The following SNX1 variants were observed in gnomAD, a reference collection of about 807,000 sequenced individuals.
SNX1 encodes sorting nexin 1, also known as sorting nexin-1.
SNX1 carries 36 observed loss-of-function variants against 71.8 expected under a neutral mutation model. That is an observed-to-expected ratio of 0.50 (90% CI 0.38 to 0.66). The LOEUF (loss-of-function observed/expected upper bound fraction) is 0.66, where lower values mean the gene tolerates loss of function less well. Among genes scored for constraint, SNX1 ranks in the 30% least tolerant of loss-of-function variants. The probability of loss-of-function intolerance (pLI) is 0.00; values close to 1 mark genes in which losing one functional copy is unlikely to be tolerated. For missense variants in SNX1, 612 were observed against 646.7 expected (o/e 0.95, Z 0.58); for synonymous variants, 254 against 240.7 (o/e 1.06, Z -0.51).
chr15:64,112,316 C>T (rs2081085061), intron 1 of SNX1, among the ~76,000 whole-genome samples: 1 of 152,220 alleles, frequency 6.6e-6, no homozygotes, highest in Non-Finnish European at 1.5e-5. Context: ...TGTGTGTACA[C>T]ATACCCATGT....
chr15:64,114,342 T>C (rs1257386876), intron 2 of SNX1, among the ~76,000 whole-genome samples: 1 of 152,122 alleles, frequency 6.6e-6, no homozygotes, highest in Non-Finnish European at 1.5e-5. Flanking sequence ...TTTTAGTGAT[T>C]GAATATAATG....
rs977537377 is a variant in SNX1 at position 64,127,194 on chromosome 15, G to T, written c.673G>T (p.Gly225Trp). The T allele has an allele frequency of 2.2e-5, 36 of 1,613,454 alleles. No homozygotes were observed. Among genetic ancestry groups the T allele is most frequent in the Non-Finnish European group, 3.1e-5 (36 of 1,179,606 alleles). Residue 225 changes from glycine to tryptophan, a missense_variant, in exon 7 of 15, where the codon GGG (glycine) becomes TGG (tryptophan). By Grantham distance (184) the Gly-to-Trp change is radical (BLOSUM62 -2). This residue lies in a region of SNX1 where 316 missense variants were observed against 284.9 expected (regional missense o/e 1.11). Transcript: ENST00000559844. ...TCTAGGGATGACAAAAGTGAAAGTTGGGAAGGAAGATTCTTCTTCTGCAGA... is the reference window on the plus strand; with the variant it reads ...TCTAGGGATGACAAAAGTGAAAGTTTGGAAGGAAGATTCTTCTTCTGCAGA... ...SLIGMTKVKV[G>W]KEDSSSAEFL... is the part of the protein sequence containing the mutation.
At chr15:64,136,717 C>T (rs2081363606) in intron 13 of SNX1, 144 bp from the exon 14 acceptor site, 1 of 659,078 alleles carries the variant, frequency 1.5e-6, no homozygotes, top group Non-Finnish European at 2.7e-6. Context: ...CTTGGCAGAC[C>T]CTCTTTGGCT....
chr15:64,131,829 C>A lies in SNX1; in HGVS notation c.1158C>A (p.Asn386Lys). Residue 386 changes from asparagine to lysine, a missense_variant, in exon 11 of 15, where the codon AAC becomes AAA. Asn to Lys is a moderately conservative substitution (Grantham distance 94). Transcript: ENST00000559844. ...AGCAGCTCCACCAGGAACAGGCCAA[C>A]AATGACTTCTTCCTCCTTGCTGAGC... ...KIEQLHQEQA[N>K]NDFFLLAELL... The A allele has an allele frequency of 6.2e-7, 1 of 1,614,234 alleles. No homozygotes were observed. The highest frequency in any genetic ancestry group is 8.5e-7 in the Non-Finnish European group (1 of 1,180,046).
chr15:64,129,425 GTTA>G lies in SNX1; in HGVS notation c.808-489_808-487del, dbSNP rs2081285075. ...AATATTTGGCATGCTTGACTACTAGGTTATCCCTGAAAGTAGCCTTGATCTGAA... is the reference window on the plus strand; with the variant it reads ...AATATTTGGCATGCTTGACTACTAGGTCCCTGAAAGTAGCCTTGATCTGAA... On this transcript the variant is annotated intron_variant, in intron 8 of 14. Coordinates refer to ENST00000559844, the MANE Select transcript of SNX1 (RefSeq NM_003099.5). This position sits in a 1 kb window ranked among gnomAD's most constrained non-coding sequence, Gnocchi z 4.4. 6.6e-6 allele frequency among the ~76,000 whole-genome samples: 1 copy of G among 152,152 alleles called. No individual in the cohort carries two copies. The highest frequency in any genetic ancestry group is 2.4e-5 in the African/African-American group (1 of 41,424).
At chr15:64,117,920 T>G (rs1342251549) in intron 2 of SNX1, among the ~76,000 whole-genome samples, 197 bp from the exon 3 acceptor site, 1 of 152,270 alleles carries the variant, frequency 6.6e-6, no homozygotes, top group Non-Finnish European at 1.5e-5. Context: ...GAGGTTGTTC[T>G]ACTAAGCCTG....
Position 64,140,557 on chromosome 15 carries a change from GTATT to G in SNX1, c.*2949_*2952del, listed in dbSNP as rs1273203692. 4 of 152,098 alleles carry G rather than the reference GTATT, an allele frequency of 2.6e-5. No homozygotes were observed. Among genetic ancestry groups the G allele is most frequent in the African/African-American group, 7.2e-5 (3 of 41,408 alleles). The allele number at this position is 152,098 out of a possible 1,614,324, so 9.4% of individuals were successfully genotyped here. ...TCTTGGTTCCTTATAATGGAGAATG[GTATT>G]TATTTATTTTTATTTGATTTGATTA... On this transcript the variant is annotated 3_prime_UTR_variant, in exon 15 of 15. Coordinates refer to ENST00000559844, the MANE Select transcript of SNX1 (RefSeq NM_003099.5).
chr15:64,113,569 C>T (rs1248846482), intron 2 of SNX1, among the ~76,000 whole-genome samples: 1 of 152,192 alleles, frequency 6.6e-6, no homozygotes, highest in Non-Finnish European at 1.5e-5. Flanking sequence ...CCCGTAATCC[C>T]AGCACTTTGA....
At position 64,137,961 on chromosome 15, in the gene SNX1, G is replaced by C; in HGVS notation, c.*343G>C. The C allele has an allele frequency of 7.0e-7, 1 of 1,436,754 alleles. No individual in the cohort carries two copies. The highest frequency in any genetic ancestry group is 9.1e-7 in the Non-Finnish European group (1 of 1,102,874). The allele number at this position is 1,436,754 out of a possible 1,614,324, so 89.0% of individuals were successfully genotyped here. A position where few individuals can be genotyped will look rare whatever the true frequency, so the allele number is the denominator to read the frequency against. ...GGGAATAACGTTTTCTGTTACTCCTGATGGTGCCATGAAAAGGTTATGTAA... is the reference window on the plus strand; with the variant it reads ...GGGAATAACGTTTTCTGTTACTCCTCATGGTGCCATGAAAAGGTTATGTAA... On this transcript the variant is annotated 3_prime_UTR_variant, in exon 15 of 15. Coordinates refer to ENST00000559844, the MANE Select transcript of SNX1 (RefSeq NM_003099.5).
intron 10 of SNX1, 91 bp from the exon 11 acceptor site, chr15:64,131,596 G>A: frequency 8.2e-7 from 1 of 1,217,282 alleles, no homozygotes; most frequent in Non-Finnish European, 1.2e-6. Flanking sequence ...GCAGTGGGCG[G>A]CATTGCTAAG....
intron 6 of SNX1, among the ~76,000 whole-genome samples, chr15:64,126,672 C>T (rs943129576): frequency 1.3e-4 from 20 of 152,206 alleles, no homozygotes; most frequent in African/African-American, 3.4e-4. Flanking sequence ...CTCCACCTTC[C>T]GGGTTCAAGA....
chr15:64,118,307 G>A, intron 3 of SNX1, 63 bp downstream of exon 3: 1 of 1,523,380 alleles, frequency 6.6e-7, no homozygotes, highest in Non-Finnish European at 8.9e-7. Flanking sequence ...CGGCCAGTCT[G>A]AAGTGTAGTT....
intron 2 of SNX1, among the ~76,000 whole-genome samples, chr15:64,117,081 A>T (rs2081137064): frequency 6.6e-6 from 1 of 152,176 alleles, no homozygotes; most frequent in Admixed American, 6.5e-5. Flanking sequence ...TGCTGTCATC[A>T]GGTGTGGAAA....
rs1282786063 is a variant in SNX1, at chr15:64,139,634, AT to A, written c.*2023del. ...AGAATTACTTTAAGCATTATTCAGT[AT>A]TTTTTTAAGTATTATTATCAAAATC... is the stretch of plus-strand genomic sequence containing the variant. On this transcript the variant is annotated 3_prime_UTR_variant, in exon 15 of 15. Transcript: ENST00000559844. 7.1e-6 allele frequency: 1 copy of A among 140,440 alleles called. No individual in the cohort carries two copies. Among genetic ancestry groups the A allele is most frequent in the East Asian group, 2.0e-4 (1 of 4,904 alleles). 8.7% of individuals were successfully genotyped at this position (140,440 alleles called of 1,614,324 possible).
rs748062141 is a variant in SNX1, at chr15:64,129,955, G to T, written c.847G>T (p.Gly283Cys). The T allele has an allele frequency of 6.2e-7, 1 of 1,614,050 alleles. No individual in the cohort carries two copies. Reference sequence around the variant, plus strand: ...GGGTACCCAGACATTGAGTGGTGCTGGTCTCCTCAAGATGTTCAACAAAGC... The same window carrying T: ...GGGTACCCAGACATTGAGTGGTGCTTGTCTCCTCAAGATGTTCAACAAAGC... Reference protein sequence around the residue: ...AVGTQTLSGAGLLKMFNKATD... With the variant: ...AVGTQTLSGACLLKMFNKATD... The change falls in exon 9 of 15, where the codon GGT becomes TGT. Residue 283 changes from glycine (G) to cysteine (C), a missense_variant. Physicochemically the swap from Gly to Cys is radical, Grantham distance 159. Around this residue, in one of 2 missense-constraint regions of SNX1, gnomAD observed 296 missense variants for 361.9 expected, o/e 0.82. Transcript: ENST00000559844. The surrounding 1 kb of genome is among the most constrained non-coding windows in gnomAD (Gnocchi z 4.4).
In SNX1 at chr15:64,136,052, A is replaced by G. The variant is rs1163094694; in HGVS notation, c.1366-278A>G. ...TTTCAGCCCTGCTGGTGAGTACCTA[A>G]ACTGGAGGCTGCTGGCATGTCAGAG... On this transcript the variant is annotated intron_variant, in intron 12 of 14. Transcript: ENST00000559844. 2.0e-5 allele frequency among the ~76,000 whole-genome samples: 3 copies of G among 152,176 alleles called. No individual in the cohort carries two copies. The East Asian group carries it at 5.8e-4, about 29-fold the overall frequency.
In SNX1 at chr15:64,142,554, A is replaced by C; in HGVS notation, c.*4936A>C. The C allele has an allele frequency of 4.5e-6, 2 of 448,676 alleles. No individual in the cohort carries two copies. Among genetic ancestry groups the C allele is most frequent in the South Asian group, 3.1e-5 (2 of 63,544 alleles). The allele number at this position is 448,676 out of a possible 1,614,324, so 27.8% of individuals were successfully genotyped here. On this transcript the variant is annotated 3_prime_UTR_variant, in exon 15 of 15. Coordinates refer to ENST00000559844, the MANE Select transcript of SNX1 (RefSeq NM_003099.5). ...GAGGGTGCCTCACTGCTGAGGCCAC[A>C]GGAAAGAATCTGTAGGTGGAGGGGA...
chr15:64,112,110 G>T (rs1171931052), intron 1 of SNX1, among the ~76,000 whole-genome samples: 2 of 152,160 alleles, frequency 1.3e-5, no homozygotes, highest in Non-Finnish European at 1.5e-5. Context: ...TGTCAGATGG[G>T]TCAGTAATAT....
rs2081385336 is a variant in SNX1, at chr15:64,138,604, G to A, written c.*986G>A. On this transcript the variant is annotated 3_prime_UTR_variant, in exon 15 of 15. Coordinates refer to ENST00000559844, the MANE Select transcript of SNX1 (RefSeq NM_003099.5). The stretch of plus-strand genomic sequence containing the variant: ...ATCCAAGAGCTCCTGAACCTTAGGA[G>A]GTTCAAAGAAGCTCTACTGTCTGTG... 1 of 159,150 alleles carries A rather than the reference G, an allele frequency of 6.3e-6. No individual in the cohort carries two copies. Among genetic ancestry groups the A allele is most frequent in the Non-Finnish European group, 1.4e-5 (1 of 72,434 alleles). The allele number at this position is 159,150 out of a possible 1,614,324, so 9.9% of individuals were successfully genotyped here. A position where few individuals can be genotyped will look rare whatever the true frequency, so the allele number is the denominator to read the frequency against.
Sources: gnomAD v4.1 joint callset for allele counts (sites outside exome capture counted in the v4.1 genomes callset) on GRCh38, gnomAD v4.1.1 for gene constraint, gnomAD v4.1.1 regional missense constraint, Gnocchi (gnomAD v3.1) non-coding constraint, MANE v1.5 for transcripts, NCBI Gene and HGNC (gene_info 2026-07-23, HGNC 2026-07-21) for gene names.